SMOC2: variants seen among roughly 807,000 people sequenced by gnomAD.
SMOC2 encodes the protein SPARC related modular calcium binding 2.
A neutral mutation model predicts 61.4 loss-of-function variants in SMOC2; 39 were observed. The ratio of observed to expected loss-of-function variants is 0.64; its 90% CI spans 0.49 to 0.83. The LOEUF (loss-of-function observed/expected upper bound fraction) is 0.83. Among genes scored for constraint, SMOC2 ranks in the 40% least tolerant of loss-of-function variants. The pLI is 0.00. For synonymous variants in SMOC2, 247 were observed against 239.9 expected (o/e 1.03, Z -0.27); for missense variants, 556 against 592.9 (o/e 0.94, Z 0.65).
At chr6:168,522,869 C>T (rs917087301) in intron 2 of SMOC2, among the ~76,000 whole-genome samples, 1 of 152,000 alleles carries the variant, frequency 6.6e-6, no homozygotes, top group Non-Finnish European at 1.5e-5. Context: ...TTTGTAGAGA[C>T]AGGAGGTAGA....
intron 1 of SMOC2, among the ~76,000 whole-genome samples, chr6:168,490,274 A>G (rs1004828188): frequency 1.3e-5 from 2 of 152,224 alleles, no homozygotes; most frequent in Admixed American, 6.5e-5. Flanking sequence ...AGAATGAAAT[A>G]TATCAAATCG....
intron 2 of SMOC2, among the ~76,000 whole-genome samples, chr6:168,510,393 AT>A (rs1175223764): frequency 1.3e-5 from 2 of 151,410 alleles, no homozygotes; most frequent in Non-Finnish European, 2.9e-5. Context: ...TTTCTTTCTC[AT>A]TTTTCTTTTT....
At chr6:168,491,444 C>T (rs776855301) in intron 1 of SMOC2, among the ~76,000 whole-genome samples, 2 of 152,092 alleles carry the variant, frequency 1.3e-5, no homozygotes, top group Non-Finnish European at 2.9e-5. Flanking sequence ...AAGTTTCTGG[C>T]GGCTGGAAGG....
At chr6:168,527,414 A>T (rs938874778) in intron 3 of SMOC2, among the ~76,000 whole-genome samples, 1 of 152,220 alleles carries the variant, frequency 6.6e-6, no homozygotes, top group African/African-American at 2.4e-5. Flanking sequence ...AGCAGTCAGT[A>T]AAGTGCTGAT....
At chr6:168,608,509 GA>G (rs1375866661) in intron 9 of SMOC2, among the ~76,000 whole-genome samples, 2 of 152,118 alleles carry the variant, frequency 1.3e-5, no homozygotes, top group African/African-American at 4.8e-5. Context: ...TCACAAATCA[GA>G]TCAGCACACA....
At position 168,535,513 on chromosome 6, in the gene SMOC2, C is replaced by G. The variant is rs996930165; in HGVS notation, c.463+7786C>G. The stretch of plus-strand genomic sequence containing the variant: ...GTCTCAAATCAGAAATCAGTAAATT[C>G]AGAACATTCCTTTTATCAGATGCAC... On this transcript the variant is annotated intron_variant, in intron 4 of 12. Transcript: ENST00000356284. This position sits in a 1 kb window ranked among gnomAD's most constrained non-coding sequence, Gnocchi z 4.6. 1.3e-5 allele frequency among the ~76,000 whole-genome samples: 2 copies of G among 152,138 alleles called. No individual in the cohort carries two copies. The highest frequency in any genetic ancestry group is 2.9e-5 in the Non-Finnish European group (2 of 68,026).
At chr6:168,517,614 G>GCCTCC (rs1165926269) in intron 2 of SMOC2, among the ~76,000 whole-genome samples, 1 of 152,230 alleles carries the variant, frequency 6.6e-6, no homozygotes, top group Non-Finnish European at 1.5e-5. Flanking sequence ...GAGGAACCAG[G>GCCTCC]CCTCCCCGTG....
At chr6:168,600,549 C>G (rs918807179) in intron 8 of SMOC2, among the ~76,000 whole-genome samples, 1 of 152,140 alleles carries the variant, frequency 6.6e-6, no homozygotes, top group Admixed American at 6.5e-5. Flanking sequence ...CCTTCACAGG[C>G]AGCGCTGGCT....
At chr6:168,532,683 A>G (rs186497894) in intron 4 of SMOC2, among the ~76,000 whole-genome samples, 50 of 152,340 alleles carry the variant, frequency 3.3e-4, no homozygotes, top group African/African-American at 1.2e-3. Context: ...TAATATTACA[A>G]TATTCAAAGA....
chr6:168,550,418 A>C (rs1784104742), intron 7 of SMOC2, among the ~76,000 whole-genome samples: 1 of 152,168 alleles, frequency 6.6e-6, no homozygotes. Flanking sequence ...TACACACCCA[A>C]CCTGAAAAGG....
intron 7 of SMOC2, among the ~76,000 whole-genome samples, chr6:168,591,220 C>T (rs57442430): frequency 0.35 from 53,642 of 152,100 alleles, 9,962 homozygotes; most frequent in Middle Eastern, 0.46. Context: ...AATTACTTTT[C>T]GGGAGTGTGT....
At chr6:168,450,368 G>A (rs764940273) in intron 1 of SMOC2, among the ~76,000 whole-genome samples, 1 of 152,202 alleles carries the variant, frequency 6.6e-6, no homozygotes, top group Non-Finnish European at 1.5e-5. Context: ...AATGAAGGCT[G>A]AGAGTTGTGT....
intron 2 of SMOC2, among the ~76,000 whole-genome samples, chr6:168,522,453 A>G (rs1371292879): frequency 6.6e-6 from 1 of 152,256 alleles, no homozygotes; most frequent in Non-Finnish European, 1.5e-5. Flanking sequence ...GTGTTCATCC[A>G]TGAGTGAATG....
intron 1 of SMOC2, among the ~76,000 whole-genome samples, chr6:168,465,641 G>A (rs1019815415): frequency 6.6e-6 from 1 of 152,200 alleles, no homozygotes; most frequent in Non-Finnish European, 1.5e-5. Flanking sequence ...GCCAAATAGG[G>A]AATCAGATGA....
At chr6:168,533,568 C>G (rs1783661085) in intron 4 of SMOC2, among the ~76,000 whole-genome samples, 4 of 152,204 alleles carry the variant, frequency 2.6e-5, no homozygotes, top group African/African-American at 9.6e-5. Context: ...AACGAGGCAG[C>G]TGCGTTTGGT....
At chr6:168,485,670 G>A (rs1229299903) in intron 1 of SMOC2, among the ~76,000 whole-genome samples, 1 of 152,184 alleles carries the variant, frequency 6.6e-6, no homozygotes, top group Non-Finnish European at 1.5e-5. Context: ...TGAGGAGGTT[G>A]TGTGGAAATA....
chr6:168,614,088 C>T (rs375813840), intron 9 of SMOC2, among the ~76,000 whole-genome samples: 1 of 95,994 alleles, frequency 1.0e-5, no homozygotes, highest in African/African-American at 4.4e-5. Flanking sequence ...CAGCACAGGG[C>T]CTCTTCATAC....
At position 168,526,338 on chromosome 6, in the gene SMOC2, C is replaced by T; in HGVS notation, c.257-8C>T. 1 of 1,612,680 alleles carries T rather than the reference C, an allele frequency of 6.2e-7. No homozygotes were observed. The highest frequency in any genetic ancestry group is 8.5e-7 in the Non-Finnish European group (1 of 1,178,620). ...ATAACCACACCTCTGCCCTGTTCTTCCCTACAGACGTGTCCAGGTGTGTGG... is the reference window on the plus strand; with the variant it reads ...ATAACCACACCTCTGCCCTGTTCTTTCCTACAGACGTGTCCAGGTGTGTGG... On this transcript the variant is annotated splice_polypyrimidine_tract_variant and splice_region_variant and intron_variant, in intron 2 of 12. Coordinates refer to ENST00000356284, the MANE Select transcript of SMOC2 (RefSeq NM_001166412.2).
chr6:168,568,147 G>A (rs1033071109), intron 7 of SMOC2, among the ~76,000 whole-genome samples: 2 of 151,652 alleles, frequency 1.3e-5, no homozygotes, highest in Non-Finnish European at 2.9e-5. Flanking sequence ...GATGGTGTGA[G>A]TCGGTGTCTC....
Sources: gnomAD v4.1 joint callset for allele counts (sites outside exome capture counted in the v4.1 genomes callset) on GRCh38, gnomAD v4.1.1 for gene constraint, Gnocchi (gnomAD v3.1) non-coding constraint, MANE v1.5 for transcripts, NCBI Gene and HGNC (gene_info 2026-07-23, HGNC 2026-07-21) for gene names.